Variants in TAF4B observed in about 807,000 individuals in gnomAD.
The protein encoded by TAF4B is transcription initiation factor TFIID subunit 4B.
In TAF4B, 38 loss-of-function variants were observed where a neutral mutation model predicts 86.4. The observed-to-expected ratio is 0.44, with a 90% confidence interval of 0.34 to 0.58. TAF4B has a LOEUF of 0.58. TAF4B is among the 20% of genes least tolerant of loss of function. TAF4B has a pLI of 0.02. For synonymous variants in TAF4B, 388 were observed against 391.2 expected, an observed-to-expected ratio of 0.99 and a Z score of 0.10; for missense variants, 988 against 1,027.6, an observed-to-expected ratio of 0.96 and a Z score of 0.53.
chr18:26,301,519 C>T (rs2056733518), intron 9 of TAF4B, among the ~76,000 whole-genome samples: 1 of 152,154 alleles, frequency 6.6e-6, no homozygotes, highest in South Asian at 2.1e-4. Flanking sequence ...GTCTTGAACT[C>T]CAGGCCTCGA....
intron 13 of TAF4B, among the ~76,000 whole-genome samples, chr18:26,354,903 A>C (rs1213410349): frequency 6.6e-6 from 1 of 152,142 alleles, no homozygotes; most frequent in Admixed American, 6.5e-5. Context: ...TTTTCTTTCC[A>C]TATAAACTTT....
Position 26,306,034 on chromosome 18 carries a change from C to G in TAF4B, c.1833-9195C>G, listed in dbSNP as rs1246609530. Among the ~76,000 whole-genome samples, 4 of 152,186 alleles carry G rather than the reference C, an allele frequency of 2.6e-5. No individual in the cohort carries two copies. In the South Asian group the frequency reaches 8.3e-4, roughly 32 times the overall value. ...AAGCCATTGCATAAGCAAATTATCT[C>G]TCATATTCAGAAAAACTGAATTGCA... On this transcript the variant is annotated intron_variant, in intron 9 of 14. Coordinates refer to ENST00000269142, the MANE Select transcript of TAF4B (RefSeq NM_005640.3).
chr18:26,282,685 G>A (rs1440802664), intron 6 of TAF4B, among the ~76,000 whole-genome samples: 1 of 152,180 alleles, frequency 6.6e-6, no homozygotes, highest in African/African-American at 2.4e-5. Context: ...TGTGTCATCA[G>A]TTGATTCTTC....
intron 11 of TAF4B, among the ~76,000 whole-genome samples, chr18:26,326,711 A>G (rs991461084): frequency 3.3e-5 from 5 of 152,054 alleles, no homozygotes; most frequent in Non-Finnish European, 5.9e-5. Context: ...TCTCCTTCCT[A>G]TTGTTGGAAG....
chr18:26,243,139 A>G (rs1331440140), intron 1 of TAF4B, among the ~76,000 whole-genome samples: 3 of 152,140 alleles, frequency 2.0e-5, no homozygotes, highest in African/African-American at 7.2e-5. Context: ...CTGCCTTGCT[A>G]GGTTGGGGAA....
chr18:26,343,363 A>G lies in TAF4B; in HGVS notation c.2316+8132A>G, dbSNP rs796825352. Among the ~76,000 whole-genome samples the G allele has an allele frequency of 5.3e-5, 8 of 152,354 alleles. 1 individual carries two copies. The highest frequency in any genetic ancestry group is 1.9e-4 in the African/African-American group (8 of 41,582). ...CCTACTCCTGAACTATACATTTGCCATATGTGGATCTTATTCTAATGAGCG... is the reference window on the plus strand; with the variant it reads ...CCTACTCCTGAACTATACATTTGCCGTATGTGGATCTTATTCTAATGAGCG... On this transcript the variant is annotated intron_variant, in intron 13 of 14. Transcript: ENST00000269142.
chr18:26,276,692 A>G (rs925280193), intron 5 of TAF4B, among the ~76,000 whole-genome samples: 4 of 152,198 alleles, frequency 2.6e-5, no homozygotes, highest in Non-Finnish European at 5.9e-5. Flanking sequence ...TTTTAATTCA[A>G]CTTACGGGTG....
At chr18:26,295,944 C>T (rs925345613) in intron 9 of TAF4B, among the ~76,000 whole-genome samples, 1 of 151,664 alleles carries the variant, frequency 6.6e-6, no homozygotes, top group East Asian at 1.9e-4. Flanking sequence ...TTTTGGAAAA[C>T]GTTCTTGGAG....
intron 8 of TAF4B, 62 bp downstream of exon 8, chr18:26,292,443 A>T: frequency 6.5e-7 from 1 of 1,528,884 alleles, no homozygotes; most frequent in Non-Finnish European, 8.8e-7. Context: ...GTTTTGTATA[A>T]CTTTTTTGTT....
At chr18:26,293,296 C>T (rs2056618523) in intron 8 of TAF4B, 130 bp from the exon 9 acceptor site, 5 of 570,692 alleles carry the variant, frequency 8.8e-6, no homozygotes, top group Non-Finnish European at 1.2e-5. Context: ...TGAATTTAAA[C>T]ATAGTTCTAG....
At chr18:26,290,007 G>T (rs1452082038) in intron 7 of TAF4B, among the ~76,000 whole-genome samples, 2 of 152,150 alleles carry the variant, frequency 1.3e-5, no homozygotes, top group Non-Finnish European at 2.9e-5. Context: ...AGACTAACTG[G>T]TGTCAGCCTA....
chr18:26,317,780 C>T (rs2056926445), intron 10 of TAF4B, among the ~76,000 whole-genome samples: 1 of 152,178 alleles, frequency 6.6e-6, no homozygotes, highest in Admixed American at 6.5e-5. Context: ...TCTCTGGTCT[C>T]TTCTTAGGGC....
chr18:26,268,357 C>G (rs569491375), intron 3 of TAF4B, among the ~76,000 whole-genome samples: 2 of 152,160 alleles, frequency 1.3e-5, no homozygotes, highest in Non-Finnish European at 2.9e-5. Context: ...GAGGCTAATA[C>G]GATGAACTAC....
chr18:26,331,527 A>T (rs983331136), intron 12 of TAF4B, among the ~76,000 whole-genome samples: 1 of 152,190 alleles, frequency 6.6e-6, no homozygotes, highest in Non-Finnish European at 1.5e-5. Flanking sequence ...AATATGTCCA[A>T]AACAGCTCCT....
At position 26,265,267 on chromosome 18, in the gene TAF4B, GCCAGCAGTA is replaced by G; in HGVS notation, c.447_455del (p.Val150_Ala152del). ...AGACCACAAGTAACATAACCTCAAG[GCCAGCAGTA>G]CCAGCGAATCCTCAAACAGTCAAAA... On this transcript the variant is annotated inframe_deletion, in exon 2 of 15. Transcript: ENST00000269142. 6.2e-7 allele frequency: 1 copy of G among 1,614,030 alleles called. No individual in the cohort carries two copies. Among genetic ancestry groups the G allele is most frequent in the Non-Finnish European group, 8.5e-7 (1 of 1,179,996 alleles).
At chr18:26,329,460 T>G (rs538375282) in intron 12 of TAF4B, among the ~76,000 whole-genome samples, 1 of 152,216 alleles carries the variant, frequency 6.6e-6, no homozygotes, top group African/African-American at 2.4e-5. Context: ...ACAGCACCCA[T>G]TCTGATTTCA....
chr18:26,387,083 T>G (rs1978416309), intron 14 of TAF4B, among the ~76,000 whole-genome samples: 3 of 152,318 alleles, frequency 2.0e-5, no homozygotes, highest in African/African-American at 7.2e-5. Flanking sequence ...TTTTGTTTTT[T>G]AAGACAGAGT....
intron 1 of TAF4B, among the ~76,000 whole-genome samples, chr18:26,233,874 C>A (rs2055708888): frequency 6.6e-6 from 1 of 152,212 alleles, no homozygotes; most frequent in African/African-American, 2.4e-5. Flanking sequence ...CCCAGAGGGG[C>A]CTTACGATGG....
chr18:26,241,575 C>T (rs923871696), intron 1 of TAF4B, among the ~76,000 whole-genome samples: 7 of 152,136 alleles, frequency 4.6e-5, no homozygotes, highest in African/African-American at 1.7e-4. Flanking sequence ...TTTTTTGTGT[C>T]TCTATCTCCT....
Sources: gnomAD v4.1 joint callset for allele counts (sites outside exome capture counted in the v4.1 genomes callset) on GRCh38, gnomAD v4.1.1 for gene constraint, MANE v1.5 for transcripts, NCBI Gene and HGNC (gene_info 2026-07-23, HGNC 2026-07-21) for gene names.